The following FYCO1 variants were observed in gnomAD, a reference collection of about 807,000 sequenced individuals.
FYCO1 encodes the protein FYVE and coiled-coil domain autophagy adaptor 1, also known as FYVE and coiled-coil domain-containing protein 1.
A neutral mutation model predicts 165.1 loss-of-function variants in FYCO1; 122 were observed. That is an observed-to-expected ratio of 0.74 (90% CI 0.64 to 0.86). The LOEUF (loss-of-function observed/expected upper bound fraction) is 0.86. FYCO1 is among the 40% of genes least tolerant of loss of function. The probability of loss-of-function intolerance (pLI) is 0.00; values close to 1 mark genes in which losing one functional copy is unlikely to be tolerated. For synonymous variants in FYCO1, 648 were observed against 742.5 expected (o/e 0.87, Z 2.07); for missense variants, 1,702 against 1,810.3 (o/e 0.94, Z 1.09).
intron 4 of FYCO1, 111 bp downstream of exon 4, chr3:45,979,593 AC>A: frequency 3.0e-6 from 4 of 1,323,642 alleles, no homozygotes; most frequent in Non-Finnish European, 4.3e-6. Flanking sequence ...TTTCTTTACC[AC>A]CCATAAACTC....
chr3:45,943,953 G>A (rs1030412954), intron 14 of FYCO1, among the ~76,000 whole-genome samples: 2 of 152,032 alleles, frequency 1.3e-5, no homozygotes, highest in African/African-American at 4.8e-5. Context: ...ACATACTACT[G>A]TAGAAACTTT....
intron 10 of FYCO1, among the ~76,000 whole-genome samples, chr3:45,963,861 G>C (rs752138883): frequency 6.6e-6 from 1 of 152,080 alleles, no homozygotes; most frequent in Non-Finnish European, 1.5e-5. Context: ...GGCTGATCCT[G>C]GTCCTTGGCA....
Position 45,921,742 on chromosome 3 carries a change from G to A in FYCO1, c.*23C>T. On this transcript the variant is annotated 3_prime_UTR_variant, in exon 18 of 18. Coordinates refer to ENST00000296137, the MANE Select transcript of FYCO1 (RefSeq NM_024513.4). ...AAGAGCAGTGTTTCCTGTGGATGAA[G>A]TGAAGTTACTGAGGTGCTGAAGCTA... 6.7e-7 allele frequency: 1 copy of A among 1,496,116 alleles called. No homozygotes were observed. The highest frequency in any genetic ancestry group is 1.1e-5 in the South Asian group (1 of 88,846). The allele number at this position is 1,496,116 out of a possible 1,614,324, so 92.7% of individuals were successfully genotyped here. A position where few individuals can be genotyped will look rare whatever the true frequency, so the allele number is the denominator to read the frequency against.
intron 16 of FYCO1, among the ~76,000 whole-genome samples, chr3:45,926,468 G>A (rs187670236): frequency 7.9e-5 from 12 of 152,246 alleles, no homozygotes; most frequent in Non-Finnish European, 7.4e-5. Flanking sequence ...AATCCTAAAC[G>A]TTTATGCCCC....
intron 14 of FYCO1, chr3:45,947,604 C>A: frequency 1.0e-6 from 1 of 963,378 alleles, no homozygotes; most frequent in Non-Finnish European, 1.6e-6. Flanking sequence ...ATAGCTTGCG[C>A]ATTCTCATGG....
chr3:45,981,086 C>T (rs1171747160), intron 3 of FYCO1, among the ~76,000 whole-genome samples: 3 of 152,192 alleles, frequency 2.0e-5, no homozygotes, highest in African/African-American at 7.2e-5. Flanking sequence ...GATGCTGATG[C>T]TGCTGGTCTA....
At chr3:45,950,130 T>C (rs1161017497) in intron 14 of FYCO1, among the ~76,000 whole-genome samples, 5 of 152,002 alleles carry the variant, frequency 3.3e-5, no homozygotes, top group Non-Finnish European at 7.4e-5. Flanking sequence ...CTCCCTTCCA[T>C]TTGGCTCTCC....
rs1445197485 is a variant in FYCO1 at position 45,967,526 on chromosome 3, G to C, written c.1808C>G (p.Thr603Ser). Residue 603 changes from threonine (T) to serine (S), a missense_variant, in exon 8 of 18, where the codon ACC becomes AGC. By Grantham distance (58) the Thr-to-Ser change is moderately conservative (BLOSUM62 1). Transcript: ENST00000296137. Reference protein sequence around the residue: ...RGLQEAQLDDTKVQEGSQEEE... With the variant: ...RGLQEAQLDDSKVQEGSQEEE... ...CTCCTGGCTGCCCTCTTGCACCTTGGTATCGTCTAACTGTGCCTCCTGCAG... is the reference window on the plus strand; with the variant it reads ...CTCCTGGCTGCCCTCTTGCACCTTGCTATCGTCTAACTGTGCCTCCTGCAG... 2 of 1,613,744 alleles carry C rather than the reference G, an allele frequency of 1.2e-6. No homozygotes were observed. Among genetic ancestry groups the C allele is most frequent in the Non-Finnish European group, 8.5e-7 (1 of 1,179,956 alleles).
At chr3:45,956,991 TA>T (rs1480629232) in intron 13 of FYCO1, among the ~76,000 whole-genome samples, 2 of 152,234 alleles carry the variant, frequency 1.3e-5, no homozygotes, top group Non-Finnish European at 2.9e-5. Context: ...AGATGCTTTA[TA>T]AAACTATGGT....
chr3:45,975,302 G>A lies in FYCO1; in HGVS notation c.332C>T (p.Ser111Phe). 1.2e-6 allele frequency: 2 copies of A among 1,614,148 alleles called. No homozygotes were observed. The highest frequency in any genetic ancestry group is 1.7e-6 in the Non-Finnish European group (2 of 1,179,998). The part of the protein sequence containing the change: ...LGKGRAFIRY[S>F]LVHQRLADTL... ...GTCTGCCAACCTCTGGTGCACCAAG[G>A]AGTAGCGAATAAATGCTCTTCCTTT... Residue 111 changes from serine to phenylalanine, a missense_variant, in exon 5 of 18, where the codon TCC becomes TTC. Ser to Phe is a radical substitution (Grantham distance 155). Coordinates refer to ENST00000296137, the MANE Select transcript of FYCO1 (RefSeq NM_024513.4).
chr3:45,922,744 A>T (rs1330517586), intron 17 of FYCO1, among the ~76,000 whole-genome samples: 1 of 152,142 alleles, frequency 6.6e-6, no homozygotes, highest in Non-Finnish European at 1.5e-5. Context: ...CTGGCAGTTC[A>T]AGGCCTGGAG....
chr3:45,932,769 C>T (rs1295579286), intron 15 of FYCO1, among the ~76,000 whole-genome samples: 1 of 152,170 alleles, frequency 6.6e-6, no homozygotes, highest in African/African-American at 2.4e-5. Flanking sequence ...TGTGAGAATT[C>T]AATTCAATGC....
At chr3:45,954,256 T>G (rs34381952) in intron 14 of FYCO1, among the ~76,000 whole-genome samples, 1 of 152,060 alleles carries the variant, frequency 6.6e-6, no homozygotes, top group Non-Finnish European at 1.5e-5. Context: ...CATTAGCTAT[T>G]GTTAGTGTTA....
At position 45,946,745 on chromosome 3, in the gene FYCO1, C is replaced by T. The variant is rs757723674; in HGVS notation, c.3944+8504G>A. 3.7e-6 allele frequency: 6 copies of T among 1,614,226 alleles called. 1 individual carries two copies. In the Admixed American group the frequency reaches 5.0e-5, roughly 13 times the overall value. Reference sequence around the variant, plus strand: ...TTGTCTGCACTCTGCCCTTCTGGGCCTATGCAGGCATCCATGAATGGGTGT... The same window carrying T: ...TTGTCTGCACTCTGCCCTTCTGGGCTTATGCAGGCATCCATGAATGGGTGT... On this transcript the variant is annotated intron_variant, in intron 14 of 17. Coordinates refer to ENST00000296137, the MANE Select transcript of FYCO1 (RefSeq NM_024513.4).
chr3:45,927,911 T>C (rs542829490), intron 16 of FYCO1, among the ~76,000 whole-genome samples: 135 of 152,394 alleles, frequency 8.9e-4, no homozygotes, highest in African/African-American at 3.1e-3. Flanking sequence ...GCAGGTCCCC[T>C]GAAGAGGGCA....
In FYCO1 at chr3:45,967,880, T is replaced by G. The variant is rs1350539741; in HGVS notation, c.1454A>C (p.Glu485Ala). The change falls in exon 8 of 18, where the codon GAG becomes GCG. Residue 485 changes from glutamate (E) to alanine (A), a missense_variant. Glu to Ala is a moderately radical substitution (Grantham distance 107). Transcript: ENST00000296137. The stretch of plus-strand genomic sequence containing the variant: ...CTCCCGCCTCAACTCTGCTAGCTCC[T>G]CCTCCCAGGAGCTCGTGTGGGCCAG... ...ELLAHTSSWE[E>A]ELAELRREKK... 3 of 1,613,910 alleles carry G rather than the reference T, an allele frequency of 1.9e-6. No homozygotes were observed. The highest frequency in any genetic ancestry group is 2.5e-6 in the Non-Finnish European group (3 of 1,180,016).
At chr3:45,961,666 G>C (rs1705701803) in intron 11 of FYCO1, among the ~76,000 whole-genome samples, 1 of 152,270 alleles carries the variant, frequency 6.6e-6, no homozygotes, top group East Asian at 1.9e-4. Flanking sequence ...GAAATGATAT[G>C]TCTGGGATTT....
Position 45,968,572 on chromosome 3 carries a change from C to G in FYCO1, c.762G>C (p.Gln254His). 1.2e-6 allele frequency: 2 copies of G among 1,613,974 alleles called. No homozygotes were observed. Among genetic ancestry groups the G allele is most frequent in the South Asian group, 2.2e-5 (2 of 91,084 alleles). The change falls in exon 8 of 18, where the codon CAG becomes CAC. Residue 254 changes from glutamine (Q) to histidine (H), a missense_variant. Coordinates refer to ENST00000296137, the MANE Select transcript of FYCO1 (RefSeq NM_024513.4). ...GCTCCTGGTTCTCTCTGTCCAGCTG[C>G]TGCATGCGCTCCCGTAGCTGCTTCT... is the stretch of plus-strand genomic sequence containing the variant. ...VREKQLRERM[Q>H]QLDRENQELR...
At chr3:45,976,595 A>G (rs1234691184) in intron 4 of FYCO1, among the ~76,000 whole-genome samples, 2 of 152,194 alleles carry the variant, frequency 1.3e-5, no homozygotes, top group Non-Finnish European at 2.9e-5. Flanking sequence ...TACAGTGTGT[A>G]TATGTGATGG....
Sources: allele counts gnomAD v4.1 joint callset (sites outside exome capture counted in the v4.1 genomes callset), GRCh38; gene constraint gnomAD v4.1.1; transcripts MANE v1.5; gene names NCBI Gene and HGNC (gene_info 2026-07-23, HGNC 2026-07-21).